The following GRIK4 variants were observed in gnomAD, a reference collection of about 807,000 sequenced individuals.
The protein encoded by GRIK4 is glutamate receptor ionotropic, kainate 4.
GRIK4 carries 40 observed loss-of-function variants against 104.9 expected under a neutral mutation model. The ratio of observed to expected loss-of-function variants is 0.38; its 90% CI spans 0.30 to 0.50. GRIK4 has a LOEUF of 0.50. GRIK4 is among the 20% of genes least tolerant of loss of function. GRIK4 has a pLI of 0.93. For missense variants in GRIK4, 1,047 were observed against 1,308.1 expected (o/e 0.80, Z 3.08); for synonymous variants, 485 against 524.9 (o/e 0.92, Z 1.04).
intron 1 of GRIK4, among the ~76,000 whole-genome samples, chr11:120,627,023 C>G (rs536949624): frequency 1.3e-5 from 2 of 152,292 alleles, no homozygotes; most frequent in East Asian, 3.9e-4. Context: ...AGGCCCTGGG[C>G]AGAGGCCACG....
chr11:120,729,236 T>C (rs933950071), intron 3 of GRIK4, among the ~76,000 whole-genome samples: 1 of 152,240 alleles, frequency 6.6e-6, no homozygotes, highest in Non-Finnish European at 1.5e-5. Context: ...AGTGCAGATA[T>C]CTCTTTGATA....
At chr11:120,666,450 C>T (rs900822583) in intron 3 of GRIK4, among the ~76,000 whole-genome samples, 3 of 152,152 alleles carry the variant, frequency 2.0e-5, no homozygotes, top group Admixed American at 1.3e-4. Flanking sequence ...CCTGGGGGCT[C>T]ACAAAACGAG....
chr11:120,541,119 T>C (rs1333186244), intron 1 of GRIK4, among the ~76,000 whole-genome samples: 3 of 152,274 alleles, frequency 2.0e-5, no homozygotes, highest in Non-Finnish European at 4.4e-5. Context: ...GAATGTGCTG[T>C]GCTAGTTCAC....
intron 13 of GRIK4, among the ~76,000 whole-genome samples, chr11:120,920,832 T>C (rs1305817658): frequency 6.6e-6 from 1 of 151,734 alleles, no homozygotes; most frequent in East Asian, 1.9e-4. Flanking sequence ...ATTTCCTCTA[T>C]GCCCTGCCTG....
rs1944409034 is a variant in GRIK4 at position 120,967,735 on chromosome 11, A to G, written c.2395+412A>G. On this transcript the variant is annotated intron_variant, in intron 19 of 20. Coordinates refer to ENST00000527524, the MANE Select transcript of GRIK4 (RefSeq NM_014619.5). This position sits in a 1 kb window ranked among gnomAD's most constrained non-coding sequence, Gnocchi z 4.2. Reference sequence around the variant, plus strand: ...TTAAAAATGCAAACTCGATGGCAGCATTCCCCCCACAAACCTCCCAATGGT... The same window carrying G: ...TTAAAAATGCAAACTCGATGGCAGCGTTCCCCCCACAAACCTCCCAATGGT... Among the ~76,000 whole-genome samples, 1 of 152,102 alleles carries G rather than the reference A, an allele frequency of 6.6e-6. No individual in the cohort carries two copies. Among genetic ancestry groups the G allele is most frequent in the East Asian group, 1.9e-4 (1 of 5,182 alleles).
intron 3 of GRIK4, among the ~76,000 whole-genome samples, chr11:120,688,006 C>T (rs574013388): frequency 6.6e-6 from 1 of 152,264 alleles, no homozygotes; most frequent in African/African-American, 2.4e-5. Context: ...ACCCTCAAGT[C>T]CTTAATTTTC....
chr11:120,604,685 G>A (rs1948936307), intron 1 of GRIK4, among the ~76,000 whole-genome samples: 1 of 152,240 alleles, frequency 6.6e-6, no homozygotes, highest in South Asian at 2.1e-4. Context: ...TTAGCGATAA[G>A]CCAGAGCTGG....
chr11:120,911,843 CAAAA>C (rs200523419), intron 13 of GRIK4, among the ~76,000 whole-genome samples: 2 of 125,826 alleles, frequency 1.6e-5, no homozygotes, highest in Non-Finnish European at 3.3e-5. Flanking sequence ...GACTCCATCT[CAAAA>C]AAAAAAAAAA....
chr11:120,620,013 T>C, intron 1 of GRIK4: 3 of 521,966 alleles, frequency 5.7e-6, no homozygotes, highest in Non-Finnish European at 7.1e-6. Flanking sequence ...TCGGTGGAGC[T>C]GTTAGCGTAG....
In GRIK4 at chr11:120,513,382, C is replaced by A. The variant is rs1296161137; in HGVS notation, c.-159+1495C>A. On this transcript the variant is annotated intron_variant, in intron 1 of 20. Transcript: ENST00000527524. This position sits in a 1 kb window ranked among gnomAD's most constrained non-coding sequence, Gnocchi z 4.5. ...AGACAAATCCGGTCCTGCCTGACTC[C>A]CTGACTGTCTGTGCTCGCGTGGTCA... is the stretch of plus-strand genomic sequence containing the variant. 6.6e-6 allele frequency among the ~76,000 whole-genome samples: 1 copy of A among 152,110 alleles called. No individual in the cohort carries two copies. The highest frequency in any genetic ancestry group is 1.5e-5 in the Non-Finnish European group (1 of 68,014).
At chr11:120,539,718 C>T (rs980956926) in intron 1 of GRIK4, among the ~76,000 whole-genome samples, 1 of 152,160 alleles carries the variant, frequency 6.6e-6, no homozygotes, top group Non-Finnish European at 1.5e-5. Context: ...TGAACAGAGT[C>T]ACCAAACACA....
intron 11 of GRIK4, among the ~76,000 whole-genome samples, chr11:120,882,628 G>A (rs1319521163): frequency 6.6e-6 from 1 of 152,184 alleles, no homozygotes. Flanking sequence ...TTAATTAAGG[G>A]GAATTGGAAT....
At chr11:120,863,316 A>G (rs1380510375) in intron 9 of GRIK4, among the ~76,000 whole-genome samples, 4 of 152,218 alleles carry the variant, frequency 2.6e-5, no homozygotes, top group Non-Finnish European at 5.9e-5. Flanking sequence ...TGTTAACTAC[A>G]TTATTCAGTA....
intron 3 of GRIK4, among the ~76,000 whole-genome samples, chr11:120,787,312 G>C (rs1227078152): frequency 6.6e-6 from 1 of 152,138 alleles, no homozygotes; most frequent in East Asian, 1.9e-4. Flanking sequence ...CTGGACAGCA[G>C]AGTGAGACCC....
intron 3 of GRIK4, among the ~76,000 whole-genome samples, chr11:120,740,159 G>A (rs936941167): frequency 1.3e-5 from 2 of 149,960 alleles, no homozygotes; most frequent in African/African-American, 4.9e-5. Context: ...CTTCCCTTCT[G>A]AGCCTACTCT....
chr11:120,909,987 C>A (rs1015372542), intron 13 of GRIK4, among the ~76,000 whole-genome samples: 1 of 152,170 alleles, frequency 6.6e-6, no homozygotes, highest in Non-Finnish European at 1.5e-5. Context: ...GCACTCTGCC[C>A]TTAGGAATGG....
rs531978988 is a variant in GRIK4 at position 120,956,256 on chromosome 11, C to T, written c.1701-524C>T. ...CACTCTGTTTGTCCAGGCTGGAGTACAGTGGTGGGATCTTGGCTCACTGCA... is the reference window on the plus strand; with the variant it reads ...CACTCTGTTTGTCCAGGCTGGAGTATAGTGGTGGGATCTTGGCTCACTGCA... On this transcript the variant is annotated intron_variant, in intron 15 of 20. Coordinates refer to ENST00000527524, the MANE Select transcript of GRIK4 (RefSeq NM_014619.5). The surrounding 1 kb of genome is among the most constrained non-coding windows in gnomAD (Gnocchi z 4.6). 9.3e-5 allele frequency among the ~76,000 whole-genome samples: 14 copies of T among 150,754 alleles called. No homozygotes were observed. The highest frequency in any genetic ancestry group is 1.6e-4 in the Non-Finnish European group (11 of 67,852).
intron 3 of GRIK4, among the ~76,000 whole-genome samples, chr11:120,772,160 G>A (rs555616259): frequency 3.2e-4 from 49 of 152,288 alleles, no homozygotes; most frequent in African/African-American, 9.6e-4. Flanking sequence ...AGGTCTAGCG[G>A]CCAGAGCCTT....
At chr11:120,610,434 G>T (rs866995666) in intron 1 of GRIK4, among the ~76,000 whole-genome samples, 3 of 152,180 alleles carry the variant, frequency 2.0e-5, no homozygotes, top group Non-Finnish European at 2.9e-5. Flanking sequence ...CCTAAGCCTC[G>T]GAACACGTGG....
Sources: allele counts gnomAD v4.1 joint callset (sites outside exome capture counted in the v4.1 genomes callset), GRCh38; gene constraint gnomAD v4.1.1; non-coding constraint Gnocchi (gnomAD v3.1); transcripts MANE v1.5; gene names NCBI Gene and HGNC (gene_info 2026-07-23, HGNC 2026-07-21).